Variants in TMEM117 observed in about 807,000 individuals in gnomAD.
TMEM117 encodes transmembrane protein 117.
A neutral mutation model predicts 52.4 loss-of-function variants in TMEM117; 27 were observed. That is an observed-to-expected ratio of 0.51 (90% confidence interval 0.38 to 0.71). TMEM117 has a LOEUF of 0.71. TMEM117 is among the 30% of genes least tolerant of loss of function. The probability of loss-of-function intolerance (pLI) is 0.00; values close to 1 mark genes in which losing one functional copy is unlikely to be tolerated. For missense variants in TMEM117, 556 were observed against 630.5 expected, an observed-to-expected ratio of 0.88 and a Z score of 1.26; for synonymous variants, 215 against 206.3, an observed-to-expected ratio of 1.04 and a Z score of -0.36.
chr12:43,940,267 T>TACCTAGAA (rs1390966121), intron 2 of TMEM117, among the ~76,000 whole-genome samples: 2 of 152,202 alleles, frequency 1.3e-5, no homozygotes, highest in East Asian at 3.9e-4. Context: ...CCACATCTCC[T>TACCTAGAA]ACCTAGAAAC....
intron 4 of TMEM117, among the ~76,000 whole-genome samples, chr12:44,147,624 A>G (rs1948662158): frequency 1.3e-5 from 2 of 151,876 alleles, no homozygotes; most frequent in African/African-American, 2.4e-5. Flanking sequence ...ATAAGGTAAA[A>G]CTGAGCCATG....
chr12:43,904,387 A>T (rs1944351417), intron 2 of TMEM117, among the ~76,000 whole-genome samples: 1 of 152,140 alleles, frequency 6.6e-6, no homozygotes, highest in African/African-American at 2.4e-5. Context: ...AAACAAACAG[A>T]CAAAATGATT....
the TMEM117 span, among the ~76,000 whole-genome samples, chr12:43,812,161 C>A: frequency 6.6e-6 from 1 of 152,174 alleles, no homozygotes; most frequent in Non-Finnish European, 1.5e-5. Flanking sequence ...CATCAATAGT[C>A]TCTGAATTTA....
intron 2 of TMEM117, among the ~76,000 whole-genome samples, chr12:43,877,487 T>A (rs1045084772): frequency 6.6e-6 from 1 of 151,720 alleles, no homozygotes; most frequent in African/African-American, 2.4e-5. Flanking sequence ...TACAAAAAAT[T>A]AGCTGGACAT....
intron 6 of TMEM117, among the ~76,000 whole-genome samples, chr12:44,365,348 CT>C (rs1951775892): frequency 6.6e-6 from 1 of 151,900 alleles, no homozygotes; most frequent in South Asian, 2.1e-4. Flanking sequence ...GAAAGTCAAC[CT>C]TTCATTACAG....
At position 44,173,020 on chromosome 12, in the gene TMEM117, C is replaced by T. The variant is rs186555185; in HGVS notation, c.510+29396C>T. On this transcript the variant is annotated intron_variant, in intron 4 of 7. Coordinates refer to ENST00000266534, the MANE Select transcript of TMEM117 (RefSeq NM_032256.3). Reference sequence around the variant, plus strand: ...GATTACAGGCGTGGGCCACCGCGCCCGGCCGCAAAATCTTTCTTTTTTTCA... The same window carrying T: ...GATTACAGGCGTGGGCCACCGCGCCTGGCCGCAAAATCTTTCTTTTTTTCA... Among the ~76,000 whole-genome samples, 35 of 152,298 alleles carry T rather than the reference C, an allele frequency of 2.3e-4. No homozygotes were observed. The East Asian group carries it at 6.4e-3, about 28-fold the overall frequency.
At chr12:44,317,819 G>A (rs902166291) in intron 6 of TMEM117, among the ~76,000 whole-genome samples, 3 of 152,180 alleles carry the variant, frequency 2.0e-5, no homozygotes, top group Admixed American at 1.3e-4. Flanking sequence ...TGATGCTGCA[G>A]GCAATGGGCT....
At chr12:43,819,075 A>G in the TMEM117 span, among the ~76,000 whole-genome samples, 1 of 152,164 alleles carries the variant, frequency 6.6e-6, no homozygotes. Flanking sequence ...GAGAGGCAAC[A>G]TTACCCCACA....
chr12:44,299,757 C>G lies in TMEM117; in HGVS notation c.768+18C>G. 6.2e-7 allele frequency: 1 copy of G among 1,613,332 alleles called. No individual in the cohort carries two copies. The highest frequency in any genetic ancestry group is 1.1e-5 in the South Asian group (1 of 91,014). On this transcript the variant is annotated intron_variant, in intron 6 of 7. Transcript: ENST00000266534. ...TGATGCAGGTAAGTGTATTTCCCTC[C>G]CCTCAGTGAAGCTGCTGCATGCTCT... is the stretch of plus-strand genomic sequence containing the variant.
intron 5 of TMEM117, among the ~76,000 whole-genome samples, chr12:44,275,309 AGATGTGGATCAAAGG>A (rs1026780318): frequency 6.6e-6 from 1 of 151,978 alleles, no homozygotes; most frequent in African/African-American, 2.4e-5. Context: ...CAAATAATGA[AGATGTGGATCAAAGG>A]GAACCCTCAT....
chr12:44,373,186 A>G (rs1951888347), intron 6 of TMEM117, among the ~76,000 whole-genome samples: 1 of 152,240 alleles, frequency 6.6e-6, no homozygotes, highest in Non-Finnish European at 1.5e-5. Flanking sequence ...GCATAGCAGC[A>G]GTGTCTCCCT....
chr12:44,078,351 G>A (rs770330513), intron 3 of TMEM117, among the ~76,000 whole-genome samples: 3 of 152,190 alleles, frequency 2.0e-5, no homozygotes, highest in Non-Finnish European at 4.4e-5. Flanking sequence ...GGATCAGTTG[G>A]TTGTGGATAG....
chr12:43,984,919 A>G (rs1215213345), intron 3 of TMEM117, among the ~76,000 whole-genome samples: 1 of 152,200 alleles, frequency 6.6e-6, no homozygotes, highest in Non-Finnish European at 1.5e-5. Flanking sequence ...TTAAAGAAAT[A>G]TCAATGAAAT....
intron 6 of TMEM117, among the ~76,000 whole-genome samples, chr12:44,361,465 TCTA>T (rs1453691449): frequency 6.6e-6 from 1 of 152,198 alleles, no homozygotes; most frequent in Non-Finnish European, 1.5e-5. Context: ...GTTTGCCTCT[TCTA>T]CTAGAGGATG....
intron 4 of TMEM117, among the ~76,000 whole-genome samples, chr12:44,208,209 G>T (rs949535481): frequency 5.9e-5 from 9 of 151,998 alleles, no homozygotes; most frequent in Admixed American, 3.3e-4. Context: ...TGCTCAGATT[G>T]TACAATATGT....
In TMEM117 at chr12:43,919,514, C is replaced by A. The variant is rs556547232; in HGVS notation, c.278-24696C>A. On this transcript the variant is annotated intron_variant, in intron 2 of 7. Transcript: ENST00000266534. ...ACTATATCATTGTGTGTATATATTC[C>A]ACATTTTCTTTATCAATTTATCGTA... Among the ~76,000 whole-genome samples, 381 of 152,198 alleles carry A rather than the reference C, an allele frequency of 2.5e-3. 2 individuals are homozygous for A. Among genetic ancestry groups the A allele is most frequent in the African/African-American group, 8.5e-3 (351 of 41,510 alleles).
At chr12:44,093,963 A>G (rs1947715188) in intron 3 of TMEM117, among the ~76,000 whole-genome samples, 2 of 152,136 alleles carry the variant, frequency 1.3e-5, no homozygotes, top group South Asian at 4.1e-4. Context: ...CTCACAGAGT[A>G]TATTAATCAA....
chr12:43,946,389 TTTTTTGTTTG>T (rs1302646954), intron 3 of TMEM117, among the ~76,000 whole-genome samples: 8 of 22,648 alleles, frequency 3.5e-4, no homozygotes, highest in Non-Finnish European at 1.2e-3. Context: ...TTTTTTTTTT[TTTTTTGTTTG>T]TTTTTTTATC....
At chr12:44,106,055 G>A (rs1220513018) in intron 3 of TMEM117, among the ~76,000 whole-genome samples, 1 of 151,960 alleles carries the variant, frequency 6.6e-6, no homozygotes, top group African/African-American at 2.4e-5. Flanking sequence ...TTTCTGTCCT[G>A]GCACTGGTTC....
Sources: gnomAD v4.1 joint callset for allele counts (sites outside exome capture counted in the v4.1 genomes callset) on GRCh38, gnomAD v4.1.1 for gene constraint, MANE v1.5 for transcripts, NCBI Gene and HGNC (gene_info 2026-07-23, HGNC 2026-07-21) for gene names.